The following ITPRID1 variants were observed in gnomAD, a reference collection of about 807,000 sequenced individuals.
ITPRID1 encodes protein ITPRID1.
ITPRID1 carries 96 observed loss-of-function variants against 95.4 expected under a neutral mutation model. The observed-to-expected ratio is 1.01, with a 90% CI of 0.85 to 1.19. The LOEUF is 1.19. Ranked by LOEUF, ITPRID1 falls within the 50% of genes most tolerant of loss-of-function variation. The probability of loss-of-function intolerance (pLI) is 0.00; values close to 1 mark genes in which losing one functional copy is unlikely to be tolerated. For missense variants in ITPRID1, 1,339 were observed against 1,252.9 expected (o/e 1.07, Z -1.04); for synonymous variants, 510 against 453.6 (o/e 1.12, Z -1.58).
At chr7:31,638,300 A>G (rs910692213) in intron 10 of ITPRID1, among the ~76,000 whole-genome samples, 66 of 152,222 alleles carry the variant, frequency 4.3e-4, no homozygotes, top group African/African-American at 1.5e-3. Flanking sequence ...TAAATTTCTT[A>G]TAATAAATAT....
intron 12 of ITPRID1, among the ~76,000 whole-genome samples, chr7:31,645,312 T>C (rs879372324): frequency 6.6e-6 from 1 of 152,218 alleles, no homozygotes; most frequent in Non-Finnish European, 1.5e-5. Context: ...ATAAATGTGA[T>C]GTAAAGAGAG....
chr7:31,628,356 C>G (rs1022584413), intron 10 of ITPRID1, among the ~76,000 whole-genome samples: 3 of 152,090 alleles, frequency 2.0e-5, no homozygotes, highest in Non-Finnish European at 2.9e-5. Context: ...AACGACTGGT[C>G]TCCCTGAGAA....
chr7:31,583,169 T>A lies in ITPRID1; in HGVS notation c.1206T>A (p.Leu402=). ...TTGAAGAAGAGACTGGTAATCCTCT[T>A]GACATGACTTCAGGAACTGTAGGTA... ...QSFEEETGNP[L]DMTSGTVGAR... The change falls in exon 10 of 15, where the codon CTT becomes CTA. Residue 402 remains leucine (L), a synonymous_variant. Transcript: ENST00000615280. The A allele has an allele frequency of 1.2e-6, 2 of 1,611,638 alleles. No individual in the cohort carries two copies. The highest frequency in any genetic ancestry group is 1.7e-6 in the Non-Finnish European group (2 of 1,178,068).
chr7:31,656,470 G>A lies in ITPRID1; in HGVS notation c.*3641G>A. 1 of 980,172 alleles carries A rather than the reference G, an allele frequency of 1.0e-6. No homozygotes were observed. The highest frequency in any genetic ancestry group is 1.2e-6 in the Non-Finnish European group (1 of 825,144). 60.7% of individuals were successfully genotyped at this position (980,172 alleles called of 1,614,324 possible). On this transcript the variant is annotated 3_prime_UTR_variant, in exon 15 of 15. Transcript: ENST00000615280. ...ATGCATGTTGGCTATTATTACAAGT[G>A]CACATACCAAGAACTCAATAAATGC...
chr7:31,570,313 C>G (rs1162962504), intron 6 of ITPRID1, among the ~76,000 whole-genome samples: 3 of 152,112 alleles, frequency 2.0e-5, no homozygotes, highest in Non-Finnish European at 4.4e-5. Flanking sequence ...ATGCAAATTC[C>G]CAATCCCCAC....
At chr7:31,640,997 G>T (rs1282339032) in intron 10 of ITPRID1, among the ~76,000 whole-genome samples, 2 of 152,088 alleles carry the variant, frequency 1.3e-5, no homozygotes, top group African/African-American at 2.4e-5. Flanking sequence ...CTTGACTTTG[G>T]CCTCAGGCTG....
At chr7:31,515,476 G>A (rs1173744026) in intron 1 of ITPRID1, among the ~76,000 whole-genome samples, 3 of 152,176 alleles carry the variant, frequency 2.0e-5, no homozygotes, top group Non-Finnish European at 4.4e-5. Flanking sequence ...TCAGGAGGCT[G>A]AGACAGGAGA....
chr7:31,626,424 T>C (rs1480393641), intron 10 of ITPRID1, among the ~76,000 whole-genome samples: 1 of 152,238 alleles, frequency 6.6e-6, no homozygotes, highest in East Asian at 1.9e-4. Flanking sequence ...TTATCATAAT[T>C]AATCTGGTAC....
At chr7:31,559,883 C>T (rs990272571) in intron 5 of ITPRID1, among the ~76,000 whole-genome samples, 3 of 152,168 alleles carry the variant, frequency 2.0e-5, no homozygotes, top group Non-Finnish European at 4.4e-5. Context: ...CCCACAGGAA[C>T]ACGAAGTTTC....
intron 10 of ITPRID1, among the ~76,000 whole-genome samples, chr7:31,604,385 T>C (rs969331603): frequency 3.3e-5 from 5 of 152,218 alleles, no homozygotes; most frequent in Non-Finnish European, 5.9e-5. Context: ...AAGCTTTGAT[T>C]CTTACTAAGG....
rs115498295 is a variant in ITPRID1 at position 31,516,310 on chromosome 7, G to A, written c.-98+2190G>A. On this transcript the variant is annotated intron_variant, in intron 1 of 14. Transcript: ENST00000615280. ...TATGTATGTGTGTACTATTGGTTCT[G>A]GGAAATATGGAAAATATTTTCAGAG... Among the ~76,000 whole-genome samples, 636 of 152,196 alleles carry A rather than the reference G, an allele frequency of 4.2e-3. 9 individuals carry two copies. The highest frequency in any genetic ancestry group is 0.015 in the African/African-American group (605 of 41,530).
At chr7:31,615,915 G>C (rs1394666773) in intron 10 of ITPRID1, among the ~76,000 whole-genome samples, 1 of 151,848 alleles carries the variant, frequency 6.6e-6, no homozygotes, top group African/African-American at 2.4e-5. Context: ...CACCACGCCT[G>C]GCTAATTTTT....
At chr7:31,623,613 T>C (rs946757792) in intron 10 of ITPRID1, among the ~76,000 whole-genome samples, 2 of 139,824 alleles carry the variant, frequency 1.4e-5, no homozygotes, top group African/African-American at 5.3e-5. Flanking sequence ...CTCAAAATAA[T>C]AAGAGCTATC....
intron 1 of ITPRID1, among the ~76,000 whole-genome samples, chr7:31,548,509 G>A (rs905433611): frequency 2.0e-5 from 3 of 152,164 alleles, no homozygotes; most frequent in African/African-American, 7.2e-5. Context: ...GTTAGAGAAA[G>A]AAGATGAAGG....
chr7:31,642,290 C>T (rs1162308304), intron 11 of ITPRID1, 32 bp downstream of exon 11: 1 of 1,359,020 alleles, frequency 7.4e-7, no homozygotes, highest in South Asian at 1.3e-5. Flanking sequence ...CCCTGTTGCT[C>T]ATCCCTAACA....
intron 10 of ITPRID1, among the ~76,000 whole-genome samples, chr7:31,635,649 A>G (rs1789415654): frequency 6.6e-6 from 1 of 152,190 alleles, no homozygotes; most frequent in Non-Finnish European, 1.5e-5. Context: ...CATTTGGACC[A>G]GTGTATTAGG....
chr7:31,657,469 G>A (rs1230863811), downstream of ITPRID1, among the ~76,000 whole-genome samples: 2 of 152,190 alleles, frequency 1.3e-5, no homozygotes, highest in African/African-American at 2.4e-5. Flanking sequence ...TGCATCTGAC[G>A]CTTGTAGTCA....
At chr7:31,638,778 C>T (rs1181616986) in intron 10 of ITPRID1, among the ~76,000 whole-genome samples, 3 of 151,800 alleles carry the variant, frequency 2.0e-5, no homozygotes, top group East Asian at 3.9e-4. Context: ...TTTTGTTTTT[C>T]GTTTGTTTGT....
intron 12 of ITPRID1, among the ~76,000 whole-genome samples, chr7:31,645,989 C>T (rs1790433357): frequency 6.6e-6 from 1 of 151,952 alleles, no homozygotes; most frequent in Non-Finnish European, 1.5e-5. Flanking sequence ...TTTGAGAGGC[C>T]GTATGGGGGA....
Sources: gnomAD v4.1 joint callset for allele counts (sites outside exome capture counted in the v4.1 genomes callset) on GRCh38, gnomAD v4.1.1 for gene constraint, MANE v1.5 for transcripts, NCBI Gene and HGNC (gene_info 2026-07-23, HGNC 2026-07-21) for gene names.